The following MIA variants were observed in gnomAD, a reference collection of about 807,000 sequenced individuals.
MIA encodes MIA SH3 domain containing.
In MIA, 18 loss-of-function variants were observed where a neutral mutation model predicts 18.5. That is an observed-to-expected ratio of 0.97 (90% CI 0.67 to 1.44). MIA has a LOEUF of 1.44. Ranked by LOEUF, MIA falls within the 40% of genes most tolerant of loss-of-function variation. MIA has a pLI of 0.00. For synonymous variants in MIA, 55 were observed against 64.9 expected, an observed-to-expected ratio of 0.85 and a Z score of 0.74; for missense variants, 158 against 172.4, an observed-to-expected ratio of 0.92 and a Z score of 0.47.
chr19:40,775,618 C>T lies in MIA; in HGVS notation c.76C>T (p.Pro26Ser), dbSNP rs558660670. The stretch of plus-strand genomic sequence containing the variant: ...CTCCGGACCTGGTGTCAGGGGTGGT[C>T]CTATGCCCAAGCTGGCTGACCGGAA... The part of the protein sequence containing the change: ...AFSGPGVRGG[P>S]MPKLADRKLC... The change falls in exon 1 of 4, where the codon CCT (proline) becomes TCT (serine). Residue 26 changes from proline (P) to serine (S), a missense_variant. Transcript: ENST00000263369. 1.4e-5 allele frequency: 22 copies of T among 1,614,120 alleles called. No homozygotes were observed. The South Asian group carries it at 1.9e-4, about 14-fold the overall frequency.
At position 40,776,959 on chromosome 19, in the gene MIA, T is replaced by A. The variant is rs983547265; in HGVS notation, c.262-10T>A. 2 of 1,604,442 alleles carry A rather than the reference T, an allele frequency of 1.2e-6. No individual in the cohort carries two copies. Among genetic ancestry groups the A allele is most frequent in the African/African-American group, 2.7e-5 (2 of 74,752 alleles). ...TTCCCAGACCCTAGCTTTTAACTCC[T>A]CTTCCCCAGGTTCAGGGAGATTACT... On this transcript the variant is annotated splice_polypyrimidine_tract_variant and intron_variant, in intron 2 of 3. Transcript: ENST00000263369.
intron 2 of MIA, 149 bp downstream of exon 2, chr19:40,776,034 T>C: frequency 1.6e-6 from 2 of 1,221,140 alleles, no homozygotes; most frequent in Non-Finnish European, 2.2e-6. Flanking sequence ...TATTATTTTT[T>C]AATTTTTTCC....
At chr19:40,775,398 C>T, upstream of MIA, 2 of 1,266,534 alleles carry the variant, frequency 1.6e-6, no homozygotes, top group Middle Eastern at 2.8e-4. Flanking sequence ...ATAGCAACTT[C>T]TAGGTGGTGT....
chr19:40,777,142 A>G, intron 3 of MIA, 63 bp downstream of exon 3: 1 of 1,419,522 alleles, frequency 7.0e-7, no homozygotes, highest in Non-Finnish European at 9.9e-7. Flanking sequence ...GGGGATGGGC[A>G]AAAATGCTCC....
intron 2 of MIA, among the ~76,000 whole-genome samples, chr19:40,776,533 A>G (rs1238888119): frequency 6.6e-6 from 1 of 152,032 alleles, no homozygotes; most frequent in East Asian, 1.9e-4. Flanking sequence ...TGAGCCCAGG[A>G]GTTCGAGACC....
In MIA at chr19:40,777,135, GATGGGCAAAA is replaced by G. The variant is rs552233191; in HGVS notation, c.372+60_372+69del. 8 of 1,491,680 alleles carry G rather than the reference GATGGGCAAAA, an allele frequency of 5.4e-6. No homozygotes were observed. The Admixed American group carries it at 1.2e-4, about 23-fold the overall frequency. 92.4% of individuals were successfully genotyped at this position (1,491,680 alleles called of 1,614,324 possible). A position where few individuals can be genotyped will look rare whatever the true frequency, so the allele number is the denominator to read the frequency against. On this transcript the variant is annotated intron_variant, in intron 3 of 3. Transcript: ENST00000263369. ...GGGGGGAGGACCCTTAGGTTGTGGG[GATGGGCAAAA>G]ATGCTCCCACACTTGGCTCCCTGGC... is the stretch of plus-strand genomic sequence containing the variant.
chr19:40,776,820 C>T (rs1272565231), intron 2 of MIA, 149 bp from the exon 3 acceptor site: 1 of 592,968 alleles, frequency 1.7e-6, no homozygotes, highest in Non-Finnish European at 3.0e-6. Flanking sequence ...TCAGAAAGGG[C>T]CTCTGAACAG....
At chr19:40,775,964 G>C in intron 2 of MIA, 79 bp downstream of exon 2, 1 of 1,535,028 alleles carries the variant, frequency 6.5e-7, no homozygotes, top group Non-Finnish European at 8.9e-7. Context: ...AAGATTTGAG[G>C]GGGGTGAACT....
At position 40,777,003 on chromosome 19, in the gene MIA, G is replaced by A. The variant is rs1263884571; in HGVS notation, c.296G>A (p.Arg99His). The change falls in exon 3 of 4, where the codon CGC (arginine) becomes CAC (histidine). Residue 99 changes from arginine (R) to histidine (H), a missense_variant. Arg to His is a conservative substitution (Grantham distance 29). Transcript: ENST00000263369. Reference sequence around the variant, plus strand: ...GATTACTATGGAGATCTGGCTGCTCGCCTGGGCTATTTCCCCAGTAGCATT... The same window carrying A: ...GATTACTATGGAGATCTGGCTGCTCACCTGGGCTATTTCCCCAGTAGCATT... ...QGDYYGDLAA[R>H]LGYFPSSIVR... 1.2e-6 allele frequency: 2 copies of A among 1,613,668 alleles called. No homozygotes were observed. Among genetic ancestry groups the A allele is most frequent in the African/African-American group, 1.3e-5 (1 of 74,910 alleles).
At chr19:40,776,614 G>T (rs1184868513) in intron 2 of MIA, among the ~76,000 whole-genome samples, 1 of 151,958 alleles carries the variant, frequency 6.6e-6, no homozygotes, top group East Asian at 1.9e-4. Context: ...TTCATGGCAT[G>T]TGTCTGTGGT....
Position 40,775,595 on chromosome 19 carries a change from C to A in MIA, c.53C>A (p.Ser18Tyr). Residue 18 changes from serine (S) to tyrosine (Y), a missense_variant, in exon 1 of 4, where the codon TCC (serine) becomes TAC (tyrosine). By Grantham distance (144) the Ser-to-Tyr change is moderately radical (BLOSUM62 -2). Coordinates refer to ENST00000263369, the MANE Select transcript of MIA (RefSeq NM_006533.4). The part of the protein sequence containing the change: ...LGVIILLSAF[S>Y]GPGVRGGPMP... The stretch of plus-strand genomic sequence containing the variant: ...GTCATCATCTTGCTGTCTGCCTTCT[C>A]CGGACCTGGTGTCAGGGGTGGTCCT... The A allele has an allele frequency of 6.2e-7, 1 of 1,614,188 alleles. No individual in the cohort carries two copies. Among genetic ancestry groups the A allele is most frequent in the Non-Finnish European group, 8.5e-7 (1 of 1,180,034 alleles).
Position 40,776,972 on chromosome 19 carries a change from C to A in MIA, c.265C>A (p.Gln89Lys). 1 of 1,611,886 alleles carries A rather than the reference C, an allele frequency of 6.2e-7. No homozygotes were observed. The highest frequency in any genetic ancestry group is 1.1e-5 in the South Asian group (1 of 90,750). The change falls in exon 3 of 4, where the codon CAG becomes AAG. Residue 89 changes from glutamine (Q) to lysine (K), a missense_variant. Transcript: ENST00000263369. ...RGRLFWGGSV[Q>K]GDYYGDLAAR... is the part of the protein sequence containing the mutation. ...GCTTTTAACTCCTCTTCCCCAGGTT[C>A]AGGGAGATTACTATGGAGATCTGGC...
Position 40,777,413 on chromosome 19 carries a change from G to C in MIA, c.389G>C (p.Cys130Ser), listed in dbSNP as rs772244965. 4 of 1,613,676 alleles carry C rather than the reference G, an allele frequency of 2.5e-6. No individual in the cohort carries two copies. In the East Asian group the frequency reaches 8.9e-5, roughly 36 times the overall value. The change falls in exon 4 of 4, where the codon TGC becomes TCC. Residue 130 changes from cysteine (C) to serine (S), a missense_variant. Cys to Ser is a moderately radical substitution (Grantham distance 112). Coordinates refer to ENST00000263369, the MANE Select transcript of MIA (RefSeq NM_006533.4). The part of the protein sequence containing the change: ...DVKTDKWDFY[C>S]Q ...CTTTTTCAGAAATGGGATTTCTACTGCCAGTGAGCTCAGCCTACCGCTGGC... is the reference window on the plus strand; with the variant it reads ...CTTTTTCAGAAATGGGATTTCTACTCCCAGTGAGCTCAGCCTACCGCTGGC...
upstream of MIA, chr19:40,775,497 G>A (rs2082988720): frequency 3.7e-6 from 6 of 1,611,484 alleles, no homozygotes; most frequent in Non-Finnish European, 5.1e-6. Context: ...GGAGGAAATT[G>A]GAGACCCCAG....
In MIA at chr19:40,775,593, C is replaced by T; in HGVS notation, c.51C>T (p.Phe17=). Residue 17 remains phenylalanine, a synonymous_variant, in exon 1 of 4, where the codon TTC becomes TTT. Transcript: ENST00000263369. The stretch of plus-strand genomic sequence containing the variant: ...GTGTCATCATCTTGCTGTCTGCCTT[C>T]TCCGGACCTGGTGTCAGGGGTGGTC... ...CLGVIILLSA[F]SGPGVRGGPM... The T allele has an allele frequency of 6.2e-6, 10 of 1,614,202 alleles. No individual in the cohort carries two copies. The highest frequency in any genetic ancestry group is 8.5e-6 in the Non-Finnish European group (10 of 1,180,036).
At position 40,775,827 on chromosome 19, in the gene MIA, A is replaced by T; in HGVS notation, c.203A>T (p.Gln68Leu). 6.2e-7 allele frequency: 1 copy of T among 1,614,002 alleles called. No individual in the cohort carries two copies. ...CGATTCCTGACCATTCACCGGGGCCAAGTGGTGTATGTCTTCTCCAAGCTG... is the reference window on the plus strand; with the variant it reads ...CGATTCCTGACCATTCACCGGGGCCTAGTGGTGTATGTCTTCTCCAAGCTG... ...DCRFLTIHRG[Q>L]VVYVFSKLKG... The change falls in exon 2 of 4, where the codon CAA (glutamine) becomes CTA (leucine). Residue 68 changes from glutamine (Q) to leucine (L), a missense_variant. By Grantham distance (113) the Gln-to-Leu change is moderately radical. Coordinates refer to ENST00000263369, the MANE Select transcript of MIA (RefSeq NM_006533.4).
At chr19:40,776,880 A>G in intron 2 of MIA, 89 bp from the exon 3 acceptor site, 1 of 825,584 alleles carries the variant, frequency 1.2e-6, no homozygotes. Flanking sequence ...AGTTATGTGG[A>G]GATCAGGGAG....
chr19:40,776,818 G>A (rs2083000420), intron 2 of MIA, 151 bp from the exon 3 acceptor site: 1 of 580,714 alleles, frequency 1.7e-6, no homozygotes, highest in South Asian at 2.1e-5. Flanking sequence ...GTTCAGAAAG[G>A]GCCTCTGAAC....
chr19:40,775,412 C>G, upstream of MIA: 4 of 1,412,280 alleles, frequency 2.8e-6, no homozygotes, highest in Non-Finnish European at 3.9e-6. Context: ...GTGGTGTGGG[C>G]GAAGTTTGGG....
Sources: gnomAD v4.1 joint callset for allele counts (sites outside exome capture counted in the v4.1 genomes callset) on GRCh38, gnomAD v4.1.1 for gene constraint, MANE v1.5 for transcripts, NCBI Gene and HGNC (gene_info 2026-07-23, HGNC 2026-07-21) for gene names.